EXD3: variants seen among roughly 807,000 people sequenced by gnomAD.
The protein encoded by EXD3 is exonuclease 3'-5' domain containing 3, also known as exonuclease mut-7 homolog.
EXD3 carries 92 observed loss-of-function variants against 98.0 expected under a neutral mutation model. That is an observed-to-expected ratio of 0.94 (90% CI 0.79 to 1.12). The LOEUF (loss-of-function observed/expected upper bound fraction) is 1.12. EXD3 is among the 50% of genes most tolerant of loss of function. The pLI is 0.00. For missense variants in EXD3, 1,222 were observed against 1,191.6 expected, an observed-to-expected ratio of 1.03 and a Z score of -0.38; for synonymous variants, 569 against 526.0, an observed-to-expected ratio of 1.08 and a Z score of -1.12.
chr9:137,339,496 CA>C (rs57029740), intron 17 of EXD3, among the ~76,000 whole-genome samples: 7,978 of 92,616 alleles, frequency 0.086, 238 homozygotes, highest in Admixed American at 0.16. Context: ...GACGCCACTT[CA>C]AAAAAAAAAA....
intron 20 of EXD3, among the ~76,000 whole-genome samples, chr9:137,308,567 G>T (rs765528217): frequency 1.3e-5 from 2 of 151,942 alleles, no homozygotes; most frequent in Admixed American, 6.6e-5. Context: ...GCTCTCCGGG[G>T]TGTGCTCTGC....
In EXD3 at chr9:137,371,385, G is replaced by A. The variant is rs1294315732; in HGVS notation, c.462+1520C>T. Reference sequence around the variant, plus strand: ...GGTGACAGCGCCAGGGGTGGGGCCCGCGCGGCCCACACAGGGGACACTCCT... The same window carrying A: ...GGTGACAGCGCCAGGGGTGGGGCCCACGCGGCCCACACAGGGGACACTCCT... On this transcript the variant is annotated intron_variant, in intron 5 of 21. Coordinates refer to ENST00000340951, the MANE Select transcript of EXD3 (RefSeq NM_017820.5). The surrounding 1 kb of genome is among the most constrained non-coding windows in gnomAD (Gnocchi z 8.0). Among the ~76,000 whole-genome samples the A allele has an allele frequency of 6.6e-6, 1 of 152,040 alleles. No homozygotes were observed. The highest frequency in any genetic ancestry group is 1.5e-5 in the Non-Finnish European group (1 of 67,968).
At chr9:137,337,106 G>A (rs2119170205) in intron 17 of EXD3, among the ~76,000 whole-genome samples, 1 of 152,272 alleles carries the variant, frequency 6.6e-6, no homozygotes, top group Admixed American at 6.5e-5. Flanking sequence ...TGGTATTAAT[G>A]TTAGTTAAAA....
At chr9:137,367,300 G>C (rs1207230188) in intron 6 of EXD3, among the ~76,000 whole-genome samples, 2 of 152,122 alleles carry the variant, frequency 1.3e-5, no homozygotes, top group African/African-American at 4.8e-5. Context: ...CCTGGAGTCT[G>C]CACCCATCGC....
chr9:137,309,814 CA>C, intron 19 of EXD3, 114 bp from the exon 20 acceptor site: 1 of 756,282 alleles, frequency 1.3e-6, no homozygotes, highest in East Asian at 2.7e-5. Context: ...TTCACAGAGA[CA>C]GATAATGGGT....
In EXD3 at chr9:137,406,787, C is replaced by T. The variant is rs553222499; in HGVS notation, c.-47-11383G>A. Among the ~76,000 whole-genome samples, 283 of 152,286 alleles carry T rather than the reference C, an allele frequency of 1.9e-3. 1 individual carries two copies. The highest frequency in any genetic ancestry group is 2.7e-3 in the Non-Finnish European group (181 of 68,010). On this transcript the variant is annotated intron_variant, in intron 1 of 21. Coordinates refer to ENST00000340951, the MANE Select transcript of EXD3 (RefSeq NM_017820.5). ...GCGGTAGACCCTCTCCCCAGCCCTC[C>T]TCTGGGGTGTCTGTGTCCCGACCCC... is the stretch of plus-strand genomic sequence containing the variant.
intron 19 of EXD3, among the ~76,000 whole-genome samples, chr9:137,317,426 G>A (rs1187657876): frequency 6.6e-6 from 1 of 152,156 alleles, no homozygotes; most frequent in African/African-American, 2.4e-5. Flanking sequence ...GGAGGGCAGT[G>A]GGTCTCGGCA....
At chr9:137,316,164 G>A (rs1160198609) in intron 19 of EXD3, among the ~76,000 whole-genome samples, 2 of 151,692 alleles carry the variant, frequency 1.3e-5, no homozygotes, top group African/African-American at 4.8e-5. Context: ...AGAACCCGCC[G>A]GGCCGGGCCG....
At chr9:137,398,115 A>G (rs1157387228) in intron 1 of EXD3, among the ~76,000 whole-genome samples, 1 of 152,264 alleles carries the variant, frequency 6.6e-6, no homozygotes, top group Non-Finnish European at 1.5e-5. Context: ...CAGCAGGTGG[A>G]TGGCAGATGA....
At chr9:137,415,490 G>A (rs2131835875) in intron 1 of EXD3, among the ~76,000 whole-genome samples, 1 of 152,304 alleles carries the variant, frequency 6.6e-6, no homozygotes, top group African/African-American at 2.4e-5. Context: ...CACTGCTCCT[G>A]CCCAGGCTGC....
At chr9:137,391,169 A>G (rs1836885568) in intron 2 of EXD3, among the ~76,000 whole-genome samples, 1 of 152,196 alleles carries the variant, frequency 6.6e-6, no homozygotes, top group African/African-American at 2.4e-5. Flanking sequence ...ACAGCCCACC[A>G]GTGAGGCCTG....
chr9:137,355,689 G>A (rs1834718253), intron 8 of EXD3, among the ~76,000 whole-genome samples: 1 of 125,324 alleles, frequency 8.0e-6, no homozygotes, highest in Non-Finnish European at 1.8e-5. Flanking sequence ...GGAGGAAGGA[G>A]AAAGGGAGGA....
At chr9:137,352,856 C>T in intron 10 of EXD3, 70 bp from the exon 11 acceptor site, 2 of 1,499,732 alleles carry the variant, frequency 1.3e-6, no homozygotes, top group East Asian at 2.5e-5. Context: ...CCCCGAGGGA[C>T]CCCCGTAGAC....
At chr9:137,412,661 G>A (rs530817039) in intron 1 of EXD3, among the ~76,000 whole-genome samples, 8 of 152,294 alleles carry the variant, frequency 5.3e-5, no homozygotes, top group African/African-American at 9.6e-5. Context: ...AGATGGCCAC[G>A]CACAGCCGGG....
At chr9:137,350,895 C>G (rs28691808) in intron 14 of EXD3, 143 bp downstream of exon 14, 50,700 of 671,578 alleles carry the variant, frequency 0.075, 2,541 homozygotes, top group African/African-American at 0.2. Flanking sequence ...AGGCTCTGCT[C>G]TGGGGCCCTG....
At chr9:137,360,463 C>CTTTTTTT (rs398113954) in intron 7 of EXD3, among the ~76,000 whole-genome samples, 1 of 59,386 alleles carries the variant, frequency 1.7e-5, no homozygotes, top group Non-Finnish European at 3.6e-5. Context: ...TTTTCTTCTT[C>CTTTTTTT]TTTTTTTTTT....
chr9:137,394,815 G>A (rs904312488), intron 2 of EXD3, among the ~76,000 whole-genome samples: 31 of 152,296 alleles, frequency 2.0e-4, no homozygotes, highest in African/African-American at 7.5e-4. Context: ...AACTCGAAGG[G>A]ATGAAAAATG....
At chr9:137,330,280 A>G (rs1368628917) in intron 17 of EXD3, among the ~76,000 whole-genome samples, 1 of 134,082 alleles carries the variant, frequency 7.5e-6, no homozygotes, top group South Asian at 2.6e-4. Context: ...CACAGGAACT[A>G]CACAGGAACT....
In EXD3 at chr9:137,366,483, C is replaced by A. The variant is rs371018555; in HGVS notation, c.656+10G>T. ...TCTGGTGCCAGCTGCCAGCGCCCCA[C>A]GGGACTCACCTGGCAACGTCCTTGA... On this transcript the variant is annotated intron_variant, in intron 7 of 21. Coordinates refer to ENST00000340951, the MANE Select transcript of EXD3 (RefSeq NM_017820.5). 1.9e-4 allele frequency: 298 copies of A among 1,545,326 alleles called. No individual in the cohort carries two copies. The highest frequency in any genetic ancestry group is 2.5e-4 in the Non-Finnish European group (285 of 1,143,240).
Sources: gnomAD v4.1 joint callset for allele counts (sites outside exome capture counted in the v4.1 genomes callset) on GRCh38, gnomAD v4.1.1 for gene constraint, Gnocchi (gnomAD v3.1) non-coding constraint, MANE v1.5 for transcripts, NCBI Gene and HGNC (gene_info 2026-07-23, HGNC 2026-07-21) for gene names.